ATP12A: variants seen among roughly 807,000 people sequenced by gnomAD.
The protein encoded by ATP12A is ATPase H+/K+ transporting non-gastric alpha2 subunit.
Under a neutral mutation model 111.2 loss-of-function variants are expected in ATP12A, and 81 were observed. That is an observed-to-expected ratio of 0.73 (90% CI 0.61 to 0.88). The LOEUF (loss-of-function observed/expected upper bound fraction) is 0.88, where lower values mean the gene tolerates loss of function less well. Among genes scored for constraint, ATP12A ranks in the 40% least tolerant of loss-of-function variants. The pLI, the probability that ATP12A is intolerant of heterozygous loss-of-function variation, is 0.00. For synonymous variants in ATP12A, 498 were observed against 499.8 expected (o/e 1.00, Z 0.05); for missense variants, 1,196 against 1,313.1 (o/e 0.91, Z 1.38).
chr13:24,685,957 T>G lies in ATP12A; in HGVS notation c.228+584T>G, dbSNP rs2137690423. Among the ~76,000 whole-genome samples the G allele has an allele frequency of 2.0e-5, 3 of 152,324 alleles. No individual in the cohort carries two copies. The South Asian group carries it at 6.2e-4, about 32-fold the overall frequency. On this transcript the variant is annotated intron_variant, in intron 3 of 22. Coordinates refer to ENST00000381946, the MANE Select transcript of ATP12A (RefSeq NM_001676.7). This position sits in a 1 kb window ranked among gnomAD's most constrained non-coding sequence, Gnocchi z 5.5. ...GGGTGAAGCTGTCAAAGTATTCACA[T>G]TAAACTAATGAGTAGGAGCTGTCTT...
chr13:24,708,736 A>T (rs1875774017), intron 17 of ATP12A, among the ~76,000 whole-genome samples: 1 of 151,736 alleles, frequency 6.6e-6, no homozygotes, highest in African/African-American at 2.4e-5. Flanking sequence ...AGAACAAATA[A>T]AATAAAAATC....
chr13:24,689,089 C>T (rs73158356), intron 4 of ATP12A, among the ~76,000 whole-genome samples, 173 bp from the exon 5 acceptor site: 15,999 of 140,030 alleles, frequency 0.11, 936 homozygotes, highest in Middle Eastern at 0.22. Flanking sequence ...GCTCTGTAAA[C>T]TTAAAAAAAA....
intron 14 of ATP12A, among the ~76,000 whole-genome samples, chr13:24,703,021 A>G (rs1217630209): frequency 6.6e-6 from 1 of 152,200 alleles, no homozygotes. Flanking sequence ...TTAGGGACAC[A>G]CAGCTGTCAG....
intron 1 of ATP12A, among the ~76,000 whole-genome samples, chr13:24,680,971 A>G (rs914854452): frequency 6.6e-6 from 1 of 152,202 alleles, no homozygotes; most frequent in Non-Finnish European, 1.5e-5. Context: ...GGCTGGGGAA[A>G]GAAGCCAGTC....
At position 24,707,335 on chromosome 13, in the gene ATP12A, A is replaced by T. The variant is rs1482401433; in HGVS notation, c.2395A>T (p.Ile799Phe). 1 of 1,614,162 alleles carries T rather than the reference A, an allele frequency of 6.2e-7. No homozygotes were observed. Among genetic ancestry groups the T allele is most frequent in the Non-Finnish European group, 8.5e-7 (1 of 1,180,024 alleles). Residue 799 changes from isoleucine to phenylalanine, a missense_variant, in exon 17 of 23, where the codon ATT becomes TTT. By Grantham distance (21) the Ile-to-Phe change is conservative (BLOSUM62 0). Transcript: ENST00000381946. ...TATTGCTTATTCCCTGACCAAGAAC[A>T]TTGCCGAGCTGTGCCCCTTTCTGAT... ...KTIAYSLTKNIAELCPFLIYI... is the reference protein window; with the variant it reads ...KTIAYSLTKNFAELCPFLIYI...
chr13:24,685,378 G>A lies in ATP12A; in HGVS notation c.228+5G>A. On this transcript the variant is annotated splice_donor_5th_base_variant and intron_variant, in intron 3 of 22. Transcript: ENST00000381946. This position sits in a 1 kb window ranked among gnomAD's most constrained non-coding sequence, Gnocchi z 5.5. The stretch of plus-strand genomic sequence containing the variant: ...TATGGCACAGACATCATTATGGTGA[G>A]TCGTGGGAACCAGGGATTTGGAAGA... 5 of 1,613,912 alleles carry A rather than the reference G, an allele frequency of 3.1e-6. No homozygotes were observed. Among genetic ancestry groups the A allele is most frequent in the Non-Finnish European group, 4.2e-6 (5 of 1,179,760 alleles).
At chr13:24,703,287 C>T (rs940779484) in intron 14 of ATP12A, among the ~76,000 whole-genome samples, 3 of 152,196 alleles carry the variant, frequency 2.0e-5, no homozygotes, top group African/African-American at 7.2e-5. Flanking sequence ...CTGTCACCCA[C>T]GCTGTAATGC....
intron 2 of ATP12A, among the ~76,000 whole-genome samples, chr13:24,681,949 GT>G (rs1874457806): frequency 7.4e-6 from 1 of 135,766 alleles, no homozygotes; most frequent in African/African-American, 2.8e-5. Flanking sequence ...TGGTGTGTGT[GT>G]GTATGTGTGG....
intron 2 of ATP12A, among the ~76,000 whole-genome samples, chr13:24,682,959 C>CTTTTTTTTTT (rs34361489): frequency 0.017 from 2,346 of 138,466 alleles, 83 homozygotes; most frequent in African/African-American, 0.058. Flanking sequence ...TAAAACTAGC[C>CTTTTTTTTTT]TTTTTTTTTT....
intron 11 of ATP12A, among the ~76,000 whole-genome samples, chr13:24,697,603 G>C (rs112660255): frequency 1.3e-4 from 18 of 143,928 alleles, no homozygotes; most frequent in African/African-American, 4.8e-4. Context: ...TCGTGCCACT[G>C]CACTCCAGCC....
In ATP12A at chr13:24,710,449, C is replaced by T; in HGVS notation, c.2764-11C>T. On this transcript the variant is annotated splice_polypyrimidine_tract_variant and intron_variant, in intron 19 of 22. Coordinates refer to ENST00000381946, the MANE Select transcript of ATP12A (RefSeq NM_001676.7). ...GGCCTCAAGGTCTCTTCCTTCTCTGCCCATTAACAGACAAGGTACCAGAGG... is the reference window on the plus strand; with the variant it reads ...GGCCTCAAGGTCTCTTCCTTCTCTGTCCATTAACAGACAAGGTACCAGAGG... 1.2e-6 allele frequency: 2 copies of T among 1,613,808 alleles called. No individual in the cohort carries two copies. Among genetic ancestry groups the T allele is most frequent in the Non-Finnish European group, 1.7e-6 (2 of 1,179,900 alleles).
chr13:24,708,964 G>GAAAGAAAGGAAGAAAGAAAGAAA (rs1566078416), intron 17 of ATP12A, among the ~76,000 whole-genome samples: 1 of 114,732 alleles, frequency 8.7e-6, no homozygotes, highest in Non-Finnish European at 1.9e-5. Flanking sequence ...AAAGAAAGAA[G>GAAAGAAAGGAAGAAAGAAAGAAA]GAAAGAGAAA....
At chr13:24,701,362 G>A (rs1396892220) in intron 13 of ATP12A, among the ~76,000 whole-genome samples, 1 of 151,912 alleles carries the variant, frequency 6.6e-6, no homozygotes, top group Non-Finnish European at 1.5e-5. Context: ...TTAGCCAGAT[G>A]TGGTGGCACA....
Position 24,691,213 on chromosome 13 carries a change from T to C in ATP12A, c.1031T>C (p.Val344Ala). The C allele has an allele frequency of 6.2e-7, 1 of 1,614,056 alleles. No homozygotes were observed. Among genetic ancestry groups the C allele is most frequent in the Non-Finnish European group, 8.5e-7 (1 of 1,179,954 alleles). Residue 344 changes from valine (V) to alanine (A), a missense_variant, in exon 8 of 23, where the codon GTG becomes GCG. Val to Ala is a moderately conservative substitution (Grantham distance 64). Around this residue, in one of 3 missense-constraint regions of ATP12A, gnomAD observed 1,126 missense variants for 1,228.5 expected, o/e 0.92. Coordinates refer to ENST00000381946, the MANE Select transcript of ATP12A (RefSeq NM_001676.7). ...DSIIFLIGII[V>A]ANVPEGLLAT... Reference sequence around the variant, plus strand: ...ATCATCTTCCTCATTGGCATCATTGTGGCCAATGTGCCCGAGGGCCTCCTG... The same window carrying C: ...ATCATCTTCCTCATTGGCATCATTGCGGCCAATGTGCCCGAGGGCCTCCTG...
intron 10 of ATP12A, 137 bp from the exon 11 acceptor site, chr13:24,694,307 G>T: frequency 8.9e-7 from 1 of 1,123,244 alleles, no homozygotes; most frequent in Non-Finnish European, 1.3e-6. Context: ...ACGGTCTTGC[G>T]GCCCTCCCTG....
intron 5 of ATP12A, 119 bp from the exon 6 acceptor site, chr13:24,690,219 C>T (rs1246472184): frequency 1.2e-5 from 18 of 1,472,740 alleles, no homozygotes; most frequent in Middle Eastern, 2.5e-4. Flanking sequence ...ATGGACTCAA[C>T]AGTGAGAGTG....
At chr13:24,698,561 T>C (rs1875262248) in intron 11 of ATP12A, 97 bp from the exon 12 acceptor site, 1 of 1,297,742 alleles carries the variant, frequency 7.7e-7, no homozygotes, top group Non-Finnish European at 1.1e-6. Flanking sequence ...GAGGATGCCA[T>C]TGTGCCTCTT....
Position 24,709,819 on chromosome 13 carries a change from G to A in ATP12A, c.2754G>A (p.Gly918=), listed in dbSNP as rs77438081. The A allele has an allele frequency of 6.6e-3, 10,682 of 1,614,146 alleles. 47 individuals are homozygous for A. The highest frequency in any genetic ancestry group is 0.019 in the Middle Eastern group (115 of 6,050). ...DYVNDLKDSY[G]QEWTRYQREY... ...TGAATGACTTGAAAGACAGCTATGGGCAGGAATGGGTGAGTGGCGGGAGCC... is the reference window on the plus strand; with the variant it reads ...TGAATGACTTGAAAGACAGCTATGGACAGGAATGGGTGAGTGGCGGGAGCC... The change falls in exon 19 of 23, where the codon GGG becomes GGA. Residue 918 remains glycine, a synonymous_variant. Transcript: ENST00000381946.
In ATP12A at chr13:24,690,386, C is replaced by A. The variant is rs746526469; in HGVS notation, c.595C>A (p.Gln199Lys). The A allele has an allele frequency of 7.9e-5, 128 of 1,613,180 alleles. No homozygotes were observed. The highest frequency in any genetic ancestry group is 1.0e-4 in the Non-Finnish European group (121 of 1,179,888). ...CGAGAAGAAGACCATCCCTTCAGAG[C>A]AGCTGGTGGTGGGGGACATTGTGGA... ...DSEKKTIPSEQLVVGDIVEVK... is the reference protein window; with the variant it reads ...DSEKKTIPSEKLVVGDIVEVK... The change falls in exon 6 of 23, where the codon CAG becomes AAG. Residue 199 changes from glutamine (Q) to lysine (K), a missense_variant. By Grantham distance (53) the Gln-to-Lys change is moderately conservative. Around this residue, in one of 3 missense-constraint regions of ATP12A, gnomAD observed 1,126 missense variants for 1,228.5 expected, o/e 0.92. Coordinates refer to ENST00000381946, the MANE Select transcript of ATP12A (RefSeq NM_001676.7).
Sources: gnomAD v4.1 joint callset for allele counts (sites outside exome capture counted in the v4.1 genomes callset) on GRCh38, gnomAD v4.1.1 for gene constraint, gnomAD v4.1.1 regional missense constraint, Gnocchi (gnomAD v3.1) non-coding constraint, MANE v1.5 for transcripts, NCBI Gene and HGNC (gene_info 2026-07-23, HGNC 2026-07-21) for gene names.